Variants in SLC9A7 observed in about 807,000 individuals in gnomAD.
The protein encoded by SLC9A7 is sodium/hydrogen exchanger 7.
Under a neutral mutation model 52.6 loss-of-function variants are expected in SLC9A7, and 19 were observed. That is an observed-to-expected ratio of 0.36 (90% CI 0.25 to 0.53). The LOEUF (loss-of-function observed/expected upper bound fraction) is 0.53, where lower values mean the gene tolerates loss of function less well. Ranked by LOEUF, SLC9A7 falls within the 20% of genes least tolerant of loss-of-function variation. SLC9A7 has a pLI of 0.91. For synonymous variants in SLC9A7, 226 were observed against 252.1 expected (o/e 0.90, Z 0.98); for missense variants, 455 against 597.9 (o/e 0.76, Z 2.49).
chrX:46,690,250 C>G (rs1944362835), intron 1 of SLC9A7, among the ~76,000 whole-genome samples: 1 of 112,129 alleles, frequency 8.9e-6, no homozygotes, highest in Admixed American at 9.4e-5. Flanking sequence ...TTTGGTATTG[C>G]CAATATCTCT....
rs1944044750 is a variant in SLC9A7, at chrX:46,672,724, A to G, written c.604-97T>C. On this transcript the variant is annotated intron_variant, in intron 3 of 16. Transcript: ENST00000616978. ...AAAAGTCTCTAAAAAGTGGAACTCT[A>G]CTTACTGTTTCCATTACATCAAGTA... 5 of 595,150 alleles carry G rather than the reference A, an allele frequency of 8.4e-6. No homozygotes were observed. In the Admixed American group the frequency reaches 1.5e-4, roughly 18 times the overall value. The allele number at this position is 595,150 out of a possible 1,213,427, so 49.0% of individuals were successfully genotyped here. A position where few individuals can be genotyped will look rare whatever the true frequency, so the allele number is the denominator to read the frequency against.
intron 1 of SLC9A7, among the ~76,000 whole-genome samples, chrX:46,699,979 T>C (rs1261286260): frequency 9.2e-6 from 1 of 109,267 alleles, no homozygotes; most frequent in Non-Finnish European, 1.9e-5. Flanking sequence ...TACCCAGGCA[T>C]AGTGGTGTGT....
intron 10 of SLC9A7, among the ~76,000 whole-genome samples, chrX:46,649,055 G>C (rs1016766741): frequency 2.5e-5 from 2 of 78,756 alleles, no homozygotes; most frequent in African/African-American, 9.3e-5. Flanking sequence ...GTAACTTCTT[G>C]ATTTAATTCA....
intron 1 of SLC9A7, among the ~76,000 whole-genome samples, chrX:46,726,707 T>C (rs1944950727): frequency 9.0e-6 from 1 of 111,443 alleles, no homozygotes; most frequent in African/African-American, 3.3e-5. Flanking sequence ...CTTATCTTTA[T>C]ATTAGGACAC....
intron 16 of SLC9A7, among the ~76,000 whole-genome samples, chrX:46,609,264 G>A (rs948650243): frequency 4.5e-5 from 5 of 111,976 alleles, no homozygotes; most frequent in South Asian, 3.7e-4. Context: ...GATGTGGTCC[G>A]CTTTCACTCT....
chrX:46,643,193 G>A (rs747089145), intron 12 of SLC9A7, 43 bp downstream of exon 12: 12 of 1,151,463 alleles, frequency 1.0e-5, no homozygotes, highest in African/African-American at 3.6e-5. Context: ...TCTCAGGAAC[G>A]GTGACAACTG....
chrX:46,687,545 A>AT (rs1944314553), intron 1 of SLC9A7, among the ~76,000 whole-genome samples: 1 of 111,821 alleles, frequency 8.9e-6, no homozygotes, highest in South Asian at 3.7e-4. Flanking sequence ...CATGACTTGG[A>AT]TTTTGAGAGT....
intron 3 of SLC9A7, among the ~76,000 whole-genome samples, chrX:46,679,004 C>T (rs1032671422): frequency 1.8e-5 from 2 of 111,666 alleles, no homozygotes; most frequent in African/African-American, 6.5e-5. Flanking sequence ...GTCCCTCATG[C>T]TACCCCTTTA....
In SLC9A7 at chrX:46,672,102, G is replaced by A. The variant is rs186989438; in HGVS notation, c.680+449C>T. 1.5e-3 allele frequency among the ~76,000 whole-genome samples: 169 copies of A among 111,783 alleles called. 2 individuals are homozygous for A. In the South Asian group the frequency reaches 0.039, roughly 25 times the overall value. On this transcript the variant is annotated intron_variant, in intron 4 of 16. Transcript: ENST00000616978. Reference sequence around the variant, plus strand: ...AATCTAATGCAATGTTATTTGTTTTGTCGTTCTTCAGCCATTGTGGGGCGG... The same window carrying A: ...AATCTAATGCAATGTTATTTGTTTTATCGTTCTTCAGCCATTGTGGGGCGG...
chrX:46,657,919 AT>A (rs1455183671), intron 7 of SLC9A7, among the ~76,000 whole-genome samples: 1 of 105,756 alleles, frequency 9.5e-6, no homozygotes. Flanking sequence ...CAGAATATAC[AT>A]TTTTTTCAGC....
intron 1 of SLC9A7, among the ~76,000 whole-genome samples, chrX:46,742,632 G>A (rs1372736786): frequency 8.9e-6 from 1 of 112,198 alleles, no homozygotes; most frequent in Non-Finnish European, 1.9e-5. Flanking sequence ...TTTTACACTG[G>A]AACAAGTCTT....
chrX:46,701,636 A>G (rs1944533208), intron 1 of SLC9A7, among the ~76,000 whole-genome samples: 2 of 111,028 alleles, frequency 1.8e-5, no homozygotes, highest in African/African-American at 6.6e-5. Context: ...GAAATATATC[A>G]GCTACATGAA....
chrX:46,686,957 C>T (rs1944305034), intron 1 of SLC9A7, among the ~76,000 whole-genome samples: 1 of 112,412 alleles, frequency 8.9e-6, no homozygotes. Flanking sequence ...AAAAAACTCA[C>T]TTCACAACTG....
intron 7 of SLC9A7, among the ~76,000 whole-genome samples, chrX:46,655,800 C>T (rs1414697253): frequency 8.9e-6 from 1 of 112,613 alleles, no homozygotes; most frequent in African/African-American, 3.2e-5. Flanking sequence ...GGGGGAGGGG[C>T]GCCCGCCATT....
chrX:46,708,835 T>C (rs1944644697), intron 1 of SLC9A7, among the ~76,000 whole-genome samples: 1 of 111,408 alleles, frequency 9.0e-6, no homozygotes, highest in African/African-American at 3.3e-5. Flanking sequence ...ACATAAACAA[T>C]TGGTATCTCA....
At chrX:46,726,772 C>A (rs1009760704) in intron 1 of SLC9A7, among the ~76,000 whole-genome samples, 1 of 111,696 alleles carries the variant, frequency 9.0e-6, no homozygotes, top group South Asian at 3.8e-4. Flanking sequence ...GGACCAGCAG[C>A]TACCCAAGTC....
At chrX:46,609,428 C>T (rs774228108) in intron 16 of SLC9A7, among the ~76,000 whole-genome samples, 55 of 112,466 alleles carry the variant, frequency 4.9e-4, no homozygotes, top group Non-Finnish European at 8.3e-4. Context: ...AGGCTGGGTG[C>T]GGTGGCTCAC....
chrX:46,702,488 A>G (rs1392916922), intron 1 of SLC9A7, among the ~76,000 whole-genome samples: 1 of 110,806 alleles, frequency 9.0e-6, no homozygotes, highest in Non-Finnish European at 1.9e-5. Context: ...CTTTATGTCC[A>G]TGTGTACTAA....
intron 15 of SLC9A7, among the ~76,000 whole-genome samples, chrX:46,614,390 GAA>G (rs929357653): frequency 9.0e-6 from 1 of 111,548 alleles, no homozygotes; most frequent in Non-Finnish European, 1.9e-5. Context: ...TACTGAAAAT[GAA>G]AAACAGGATG....
Sources: gnomAD v4.1 joint callset for allele counts (sites outside exome capture counted in the v4.1 genomes callset) on GRCh38, gnomAD v4.1.1 for gene constraint, MANE v1.5 for transcripts, NCBI Gene and HGNC (gene_info 2026-07-23, HGNC 2026-07-21) for gene names.